The following RNF24 variants were observed in gnomAD, a reference collection of about 807,000 sequenced individuals.
RNF24 encodes the protein ring finger protein 24.
A neutral mutation model predicts 20.0 loss-of-function variants in RNF24; 14 were observed. The ratio of observed to expected loss-of-function variants is 0.70; its 90% CI spans 0.46 to 1.10. RNF24 has a LOEUF of 1.10. Among genes scored for constraint, RNF24 ranks in the 50% least tolerant of loss-of-function variants. The pLI is 0.00. For missense variants in RNF24, 124 were observed against 177.6 expected, an observed-to-expected ratio of 0.70 and a Z score of 1.71; for synonymous variants, 45 against 61.1, an observed-to-expected ratio of 0.74 and a Z score of 1.23.
At position 3,974,503 on chromosome 20, in the gene RNF24, A is replaced by C; in HGVS notation, c.-7-10479T>G. 3 of 1,139,216 alleles carry C rather than the reference A, an allele frequency of 2.6e-6. No homozygotes were observed. In the South Asian group the frequency reaches 7.9e-5, roughly 30 times the overall value. The allele number at this position is 1,139,216 out of a possible 1,614,324, so 70.6% of individuals were successfully genotyped here. On this transcript the variant is annotated intron_variant, in intron 1 of 5. Transcript: ENST00000358395. Reference sequence around the variant, plus strand: ...GCCACATCAACATCTACAACAACAAAATCCCAAAGAATCTTCAAAAAAATT... The same window carrying C: ...GCCACATCAACATCTACAACAACAACATCCCAAAGAATCTTCAAAAAAATT...
intron 1 of RNF24, among the ~76,000 whole-genome samples, chr20:4,014,739 G>GCACACGCACA (rs1982742157): frequency 7.0e-6 from 1 of 143,670 alleles, no homozygotes; most frequent in Admixed American, 6.9e-5. Context: ...ACTTGAATGC[G>GCACACGCACA]CACACACACA....
chr20:3,975,403 C>G (rs1489819430), intron 1 of RNF24, among the ~76,000 whole-genome samples: 1 of 152,218 alleles, frequency 6.6e-6, no homozygotes, highest in African/African-American at 2.4e-5. Flanking sequence ...AATTGATACA[C>G]TGGACTTCAT....
chr20:3,974,244 AAAAC>A (rs1978658676), intron 1 of RNF24: 1 of 1,421,784 alleles, frequency 7.0e-7, no homozygotes, highest in African/African-American at 1.4e-5. Context: ...GCATCTACAA[AAAAC>A]AAACCGGCAA....
At chr20:4,003,321 C>T (rs1221851975) in intron 1 of RNF24, among the ~76,000 whole-genome samples, 1 of 152,144 alleles carries the variant, frequency 6.6e-6, no homozygotes, top group Non-Finnish European at 1.5e-5. Context: ...GCCTCCTTCA[C>T]ATCCCTTCTG....
intron 4 of RNF24, among the ~76,000 whole-genome samples, chr20:3,938,369 G>A (rs2090916692): frequency 6.6e-6 from 1 of 152,172 alleles, no homozygotes; most frequent in East Asian, 1.9e-4. Context: ...TTCAATGGCA[G>A]AAGGAAAGCC....
intron 1 of RNF24, among the ~76,000 whole-genome samples, chr20:4,012,536 G>A (rs114177620): frequency 4.5e-4 from 68 of 152,234 alleles, no homozygotes; most frequent in African/African-American, 1.6e-3. Context: ...ATAGATCCTA[G>A]TTAACAAAGT....
intron 1 of RNF24, among the ~76,000 whole-genome samples, chr20:4,010,935 A>G (rs1442679167): frequency 6.6e-6 from 1 of 152,208 alleles, no homozygotes; most frequent in Admixed American, 6.5e-5. Flanking sequence ...AGGAGGAAAC[A>G]AAGACCCCAC....
At chr20:3,990,914 CATG>C (rs890973883) in intron 1 of RNF24, among the ~76,000 whole-genome samples, 1 of 151,818 alleles carries the variant, frequency 6.6e-6, no homozygotes, top group Non-Finnish European at 1.5e-5. Flanking sequence ...GGCACAGTTC[CATG>C]ATAACATTGC....
chr20:3,974,841 AT>A (rs2147011898), intron 1 of RNF24, among the ~76,000 whole-genome samples: 1 of 152,300 alleles, frequency 6.6e-6, no homozygotes, highest in South Asian at 2.1e-4. Context: ...CCAAATTGAT[AT>A]ATAGGTTTAA....
At chr20:3,942,633 C>T (rs891673420) in intron 4 of RNF24, among the ~76,000 whole-genome samples, 1 of 151,954 alleles carries the variant, frequency 6.6e-6, no homozygotes, top group Non-Finnish European at 1.5e-5. Context: ...CCACCACGCC[C>T]GGCTAATTTT....
chr20:3,927,707 C>T lies in RNF24; in HGVS notation c.*6356G>A, dbSNP rs1477266824. ...TTCCTAACACTTGCCACACCTGCTC[C>T]CCCGACCGGGGGCCTGGGAGGGAAG... is the stretch of plus-strand genomic sequence containing the variant. On this transcript the variant is annotated 3_prime_UTR_variant, in exon 6 of 6. Coordinates refer to ENST00000358395, the MANE Select transcript of RNF24 (RefSeq NM_001134337.3). 1 of 152,244 alleles carries T rather than the reference C, an allele frequency of 6.6e-6. No homozygotes were observed. Among genetic ancestry groups the T allele is most frequent in the Non-Finnish European group, 1.5e-5 (1 of 68,080 alleles). The allele number at this position is 152,244 out of a possible 1,614,324, so 9.4% of individuals were successfully genotyped here.
At chr20:4,000,177 A>G (rs1365694286) in intron 1 of RNF24, among the ~76,000 whole-genome samples, 1 of 152,238 alleles carries the variant, frequency 6.6e-6, no homozygotes, top group Non-Finnish European at 1.5e-5. Context: ...TTATGTCTCA[A>G]TAAAGCTGTT....
intron 1 of RNF24, among the ~76,000 whole-genome samples, chr20:3,989,359 C>CG (rs1980210880): frequency 6.6e-6 from 1 of 151,860 alleles, no homozygotes; most frequent in African/African-American, 2.4e-5. Context: ...GGCGTGGTGG[C>CG]GGGCGCCTGT....
chr20:3,974,336 C>T, intron 1 of RNF24: 1 of 1,550,840 alleles, frequency 6.4e-7, no homozygotes, highest in Non-Finnish European at 8.7e-7. Flanking sequence ...ACTTACCCCC[C>T]TAAGACCGGG....
At chr20:3,979,144 T>C (rs1381132189) in intron 1 of RNF24, among the ~76,000 whole-genome samples, 4 of 150,356 alleles carry the variant, frequency 2.7e-5, no homozygotes, top group Non-Finnish European at 4.4e-5. Flanking sequence ...TATATCTACG[T>C]ATCTATACTG....
chr20:3,996,959 G>A (rs987682721), intron 1 of RNF24, among the ~76,000 whole-genome samples: 1 of 152,042 alleles, frequency 6.6e-6, no homozygotes, highest in Non-Finnish European at 1.5e-5. Flanking sequence ...GGTGGCTCAC[G>A]CCTGTAATCC....
chr20:4,009,412 T>C (rs1487972685), intron 1 of RNF24, among the ~76,000 whole-genome samples: 2 of 152,120 alleles, frequency 1.3e-5, no homozygotes, highest in African/African-American at 2.4e-5. Context: ...GCAAAAATGC[T>C]AAAGCTGTGA....
At position 3,966,469 on chromosome 20, in the gene RNF24, AGTGT is replaced by A. The variant is rs72006955; in HGVS notation, c.-7-2449_-7-2446del. 7.0e-3 allele frequency among the ~76,000 whole-genome samples: 904 copies of A among 129,298 alleles called. 9 individuals are homozygous for A. The highest frequency in any genetic ancestry group is 0.023 in the African/African-American group (815 of 35,104). 84.8% of individuals were successfully genotyped at this position (129,298 alleles called of 152,430 possible). On this transcript the variant is annotated intron_variant, in intron 1 of 5. Coordinates refer to ENST00000358395, the MANE Select transcript of RNF24 (RefSeq NM_001134337.3). ...AAGAGGACAAAACTATTAAGGCTTT[AGTGT>A]GTGTGTGTGTGTGTGTGTGTGTGTG... is the stretch of plus-strand genomic sequence containing the variant.
chr20:3,952,518 C>T (rs1000585600), intron 2 of RNF24, among the ~76,000 whole-genome samples: 9 of 151,388 alleles, frequency 5.9e-5, no homozygotes, highest in Admixed American at 5.3e-4. Context: ...ACAATTTAAA[C>T]ACTGCCTTTA....
Sources: gnomAD v4.1 joint callset for allele counts (sites outside exome capture counted in the v4.1 genomes callset) on GRCh38, gnomAD v4.1.1 for gene constraint, MANE v1.5 for transcripts, NCBI Gene and HGNC (gene_info 2026-07-23, HGNC 2026-07-21) for gene names.